The following NME5 variants were observed in gnomAD, a reference collection of about 807,000 sequenced individuals.
The protein encoded by NME5 is NME/NM23 family member 5.
NME5 carries 18 observed loss-of-function variants against 21.6 expected under a neutral mutation model. The observed-to-expected ratio is 0.83, with a 90% confidence interval of 0.58 to 1.24. The LOEUF (loss-of-function observed/expected upper bound fraction) is 1.24. Among genes scored for constraint, NME5 ranks in the 50% most tolerant of loss-of-function variants. The pLI, the probability that NME5 is intolerant of heterozygous loss-of-function variation, is 0.00. For missense variants in NME5, 223 were observed against 255.4 expected (o/e 0.87, Z 0.86); for synonymous variants, 70 against 80.6 (o/e 0.87, Z 0.71).
At chr5:138,118,318 G>A (rs1751208559) in intron 5 of NME5, among the ~76,000 whole-genome samples, 2 of 151,300 alleles carry the variant, frequency 1.3e-5, no homozygotes, top group African/African-American at 4.9e-5. Flanking sequence ...GTAGAGATGG[G>A]GTTTCACCGT....
At chr5:138,129,679 C>G (rs539816187) in intron 2 of NME5, among the ~76,000 whole-genome samples, 2 of 152,088 alleles carry the variant, frequency 1.3e-5, no homozygotes, top group Non-Finnish European at 2.9e-5. Flanking sequence ...AAATTATGGC[C>G]GGGTGCGGTG....
Position 138,129,402 on chromosome 5 carries a change from A to G in NME5, c.196T>C (p.Phe66Leu). The G allele has an allele frequency of 1.2e-6, 2 of 1,614,102 alleles. No homozygotes were observed. Among genetic ancestry groups the G allele is most frequent in the Non-Finnish European group, 1.7e-6 (2 of 1,180,002 alleles). The change falls in exon 3 of 6, where the codon TTT becomes CTT. Residue 66 changes from phenylalanine to leucine, a missense_variant. Coordinates refer to ENST00000265191, the MANE Select transcript of NME5 (RefSeq NM_003551.3). ...ATGTAAGCTGTTAAGTTGGGGAAAA[A>G]CATTTTTCCATACTTTTCCACATAA... is the stretch of plus-strand genomic sequence containing the variant. ...NFYVEKYGKMFFPNLTAYMSS... is the reference protein window; with the variant it reads ...NFYVEKYGKMLFPNLTAYMSS...
chr5:138,124,076 A>G (rs1253743887), intron 4 of NME5, among the ~76,000 whole-genome samples: 2 of 133,792 alleles, frequency 1.5e-5, no homozygotes, highest in Non-Finnish European at 3.1e-5. Flanking sequence ...GGCTCACTGC[A>G]ACCTCCACCT....
intron 5 of NME5, chr5:138,116,736 G>GGTCTCC (rs1207870742): frequency 6.5e-6 from 1 of 153,640 alleles, no homozygotes; most frequent in Non-Finnish European, 1.5e-5. Flanking sequence ...ACAAATTTTT[G>GGTCTCC]ACAATGGTAC....
rs543020946 is a variant in NME5, at chr5:138,124,299, G to A, written c.436+4180C>T. On this transcript the variant is annotated intron_variant, in intron 4 of 5. Transcript: ENST00000265191. ...ATTACAGGCGTGAGCCACCACACCCGGCCTTAAGCACCTTTTCATATACTT... is the reference window on the plus strand; with the variant it reads ...ATTACAGGCGTGAGCCACCACACCCAGCCTTAAGCACCTTTTCATATACTT... Among the ~76,000 whole-genome samples, 9 of 151,836 alleles carry A rather than the reference G, an allele frequency of 5.9e-5. No homozygotes were observed. In the South Asian group the frequency reaches 8.3e-4, roughly 14 times the overall value.
chr5:138,133,582 C>T (rs1751623155), intron 2 of NME5, among the ~76,000 whole-genome samples: 1 of 152,132 alleles, frequency 6.6e-6, no homozygotes, highest in Non-Finnish European at 1.5e-5. Context: ...AGCAGTGATA[C>T]CAAGTACTAT....
chr5:138,119,035 T>A (rs759628244), intron 4 of NME5, 99 bp from the exon 5 acceptor site: 10 of 695,216 alleles, frequency 1.4e-5, no homozygotes, highest in East Asian at 3.1e-5. Context: ...TCTATTTTTT[T>A]ATATGTTTTT....
chr5:138,125,435 C>T (rs1383974600), intron 4 of NME5, among the ~76,000 whole-genome samples: 3 of 151,922 alleles, frequency 2.0e-5, no homozygotes, highest in Non-Finnish European at 4.4e-5. Flanking sequence ...AAAAATTAGC[C>T]GAGCATGGTG....
chr5:138,115,912 G>T, intron 5 of NME5, 148 bp from the exon 6 acceptor site: 1 of 528,054 alleles, frequency 1.9e-6, no homozygotes. Context: ...TTTACATTAT[G>T]CAAGATTGTC....
chr5:138,120,257 CAG>C (rs1358532683), intron 4 of NME5, among the ~76,000 whole-genome samples: 1 of 100,770 alleles, frequency 9.9e-6, no homozygotes, highest in Non-Finnish European at 1.9e-5. Context: ...TTTTTTGAGA[CAG>C]AGTCTTTCTC....
chr5:138,118,045 T>C (rs1386486862), intron 5 of NME5, among the ~76,000 whole-genome samples: 1 of 152,202 alleles, frequency 6.6e-6, no homozygotes, highest in African/African-American at 2.4e-5. Context: ...TCAATAATTA[T>C]ACATATCTAA....
intron 4 of NME5, among the ~76,000 whole-genome samples, chr5:138,119,237 G>GC (rs1751231167): frequency 1.3e-5 from 2 of 151,934 alleles, no homozygotes; most frequent in Admixed American, 1.3e-4. Flanking sequence ...ACAGAGTCTC[G>GC]CTTTGTTGCC....
intron 2 of NME5, among the ~76,000 whole-genome samples, chr5:138,132,221 A>G (rs1751587261): frequency 6.6e-6 from 1 of 152,052 alleles, no homozygotes; most frequent in Non-Finnish European, 1.5e-5. Context: ...TTGGTGGTGC[A>G]CACCTGTAGT....
In NME5 at chr5:138,129,410, C is replaced by G; in HGVS notation, c.188G>C (p.Gly63Ala). Residue 63 changes from glycine to alanine, a missense_variant, in exon 3 of 6, where the codon GGA becomes GCA. Gly to Ala is a moderately conservative substitution (Grantham distance 60). Transcript: ENST00000265191. ...QCSNFYVEKY[G>A]KMFFPNLTAY... ...TGTTAAGTTGGGGAAAAACATTTTT[C>G]CATACTTTTCCACATAAAAGTTACT... 6.2e-7 allele frequency: 1 copy of G among 1,614,048 alleles called. No individual in the cohort carries two copies. Among genetic ancestry groups the G allele is most frequent in the Admixed American group, 1.7e-5 (1 of 60,010 alleles).
intron 4 of NME5, among the ~76,000 whole-genome samples, chr5:138,120,105 TTTTC>T (rs1208273343): frequency 6.6e-6 from 1 of 151,814 alleles, no homozygotes; most frequent in Admixed American, 6.6e-5. Context: ...CCAGCTTTTT[TTTTC>T]TTTAAGTGTT....
At chr5:138,129,712 CTT>C (rs1171269104) in intron 2 of NME5, among the ~76,000 whole-genome samples, 1 of 152,152 alleles carries the variant, frequency 6.6e-6, no homozygotes. Context: ...AGTCCTAGCA[CTT>C]TGGAAGGCCG....
At chr5:138,125,760 G>A (rs561044945) in intron 4 of NME5, among the ~76,000 whole-genome samples, 3 of 152,166 alleles carry the variant, frequency 2.0e-5, no homozygotes, top group Admixed American at 6.5e-5. Flanking sequence ...GATTACAAGC[G>A]TGCGCCACCA....
intron 5 of NME5, among the ~76,000 whole-genome samples, chr5:138,117,451 A>G (rs1313721029): frequency 2.6e-5 from 4 of 152,124 alleles, no homozygotes; most frequent in Non-Finnish European, 5.9e-5. Context: ...ATATTTGCAA[A>G]TCATATATCT....
chr5:138,121,874 G>C (rs1376936412), intron 4 of NME5, among the ~76,000 whole-genome samples: 1 of 150,404 alleles, frequency 6.6e-6, no homozygotes, highest in Non-Finnish European at 1.5e-5. Context: ...TTTTTTTCTT[G>C]TAGAGATGAG....
Sources: gnomAD v4.1 joint callset for allele counts (sites outside exome capture counted in the v4.1 genomes callset) on GRCh38, gnomAD v4.1.1 for gene constraint, MANE v1.5 for transcripts, NCBI Gene and HGNC (gene_info 2026-07-23, HGNC 2026-07-21) for gene names.